Variants in PTPRO observed in about 807,000 individuals in gnomAD.
PTPRO encodes receptor-type tyrosine-protein phosphatase O.
PTPRO carries 62 observed loss-of-function variants against 145.2 expected under a neutral mutation model. The observed-to-expected ratio is 0.43, with a 90% CI of 0.35 to 0.53. The LOEUF (loss-of-function observed/expected upper bound fraction) is 0.53. Ranked by LOEUF, PTPRO falls within the 20% of genes least tolerant of loss-of-function variation. The probability of loss-of-function intolerance (pLI) is 0.01; values close to 1 mark genes in which losing one functional copy is unlikely to be tolerated. For synonymous variants in PTPRO, 565 were observed against 514.7 expected, an observed-to-expected ratio of 1.10 and a Z score of -1.32; for missense variants, 1,345 against 1,482.7, an observed-to-expected ratio of 0.91 and a Z score of 1.53.
At chr12:15,475,285 T>C (rs2136423727) in intron 1 of PTPRO, among the ~76,000 whole-genome samples, 1 of 152,346 alleles carries the variant, frequency 6.6e-6, no homozygotes, top group South Asian at 2.1e-4. Context: ...TAGTGAATCA[T>C]CTGCTATAAT....
chr12:15,554,822 T>C (rs910319661), intron 15 of PTPRO, among the ~76,000 whole-genome samples: 1 of 152,204 alleles, frequency 6.6e-6, no homozygotes, highest in African/African-American at 2.4e-5. Context: ...CCAATCAAGT[T>C]GACCCTCAGT....
At chr12:15,514,971 G>C (rs964463595) in intron 7 of PTPRO, among the ~76,000 whole-genome samples, 3 of 151,640 alleles carry the variant, frequency 2.0e-5, no homozygotes, top group African/African-American at 7.3e-5. Flanking sequence ...CACTATGTTC[G>C]TCAGGCTGGT....
intron 2 of PTPRO, among the ~76,000 whole-genome samples, chr12:15,485,207 C>G (rs1210855028): frequency 6.6e-6 from 1 of 152,054 alleles, no homozygotes; most frequent in Admixed American, 6.6e-5. Context: ...TAACACATCT[C>G]TCAAAAATTA....
chr12:15,404,422 A>G (rs998235243), intron 1 of PTPRO, among the ~76,000 whole-genome samples: 1 of 152,140 alleles, frequency 6.6e-6, no homozygotes, highest in Non-Finnish European at 1.5e-5. Flanking sequence ...TTGTCAGGCA[A>G]TTTCACATAC....
In PTPRO at chr12:15,370,915, A is replaced by G. The variant is rs1938508500; in HGVS notation, c.75+48114A>G. On this transcript the variant is annotated intron_variant, in intron 1 of 26. Coordinates refer to ENST00000281171, the MANE Select transcript of PTPRO (RefSeq NM_030667.3). The stretch of plus-strand genomic sequence containing the variant: ...TAAATTTCCAACAATCAGAGATTGT[A>G]AGTTATGGCATATTCATACTTTGCA... Among the ~76,000 whole-genome samples, 4 of 152,198 alleles carry G rather than the reference A, an allele frequency of 2.6e-5. No homozygotes were observed. The South Asian group carries it at 8.3e-4, about 31-fold the overall frequency.
intron 1 of PTPRO, among the ~76,000 whole-genome samples, chr12:15,472,940 A>C (rs998281479): frequency 2.0e-4 from 31 of 152,280 alleles, no homozygotes; most frequent in Admixed American, 1.3e-4. Flanking sequence ...CTAGTTATAA[A>C]ACTTCAGAGG....
rs724159882 is a variant in PTPRO, at chr12:15,581,769, G to T, written c.3223G>T (p.Asp1075Tyr). 2 of 1,613,964 alleles carry T rather than the reference G, an allele frequency of 1.2e-6. No individual in the cohort carries two copies. Among genetic ancestry groups the T allele is most frequent in the Non-Finnish European group, 1.7e-6 (2 of 1,179,924 alleles). ...GATGATTTCAGAGGAAGAGCAGGAC[G>T]ACTGGGCCTGTAGACACTTCCGGAT... is the stretch of plus-strand genomic sequence containing the variant. ...VEMISEEEQDDWACRHFRINY... is the reference protein window; with the variant it reads ...VEMISEEEQDYWACRHFRINY... The change falls in exon 23 of 27, where the codon GAC (aspartate) becomes TAC (tyrosine). Residue 1075 changes from aspartate to tyrosine, a missense_variant. Around this residue, in one of 3 missense-constraint regions of PTPRO, gnomAD observed 208 missense variants for 242.8 expected, o/e 0.86. Coordinates refer to ENST00000281171, the MANE Select transcript of PTPRO (RefSeq NM_030667.3).
intron 2 of PTPRO, among the ~76,000 whole-genome samples, chr12:15,492,003 A>G (rs1418152343): frequency 6.6e-6 from 1 of 152,224 alleles, no homozygotes; most frequent in Non-Finnish European, 1.5e-5. Flanking sequence ...CAGGAGACAC[A>G]TATTCATCTT....
chr12:15,481,628 C>T (rs1407685649), intron 1 of PTPRO, among the ~76,000 whole-genome samples: 1 of 152,148 alleles, frequency 6.6e-6, no homozygotes, highest in Non-Finnish European at 1.5e-5. Context: ...AAATAACATG[C>T]AGTTCCCGAC....
chr12:15,501,153 G>A (rs922525127), intron 4 of PTPRO, among the ~76,000 whole-genome samples: 1 of 152,164 alleles, frequency 6.6e-6, no homozygotes, highest in Non-Finnish European at 1.5e-5. Flanking sequence ...ATCTCTAAAG[G>A]CAACACATGT....
chr12:15,574,095 T>C (rs1488605141), intron 19 of PTPRO, among the ~76,000 whole-genome samples: 1 of 152,220 alleles, frequency 6.6e-6, no homozygotes, highest in African/African-American at 2.4e-5. Flanking sequence ...ACATCATTTA[T>C]AAGCATTTTG....
At chr12:15,510,768 A>G (rs1265974554) in intron 7 of PTPRO, among the ~76,000 whole-genome samples, 2 of 152,146 alleles carry the variant, frequency 1.3e-5, no homozygotes, top group Non-Finnish European at 2.9e-5. Context: ...CACTAAATAA[A>G]TGTGTAGAAA....
chr12:15,585,459 G>A (rs1944411596), intron 23 of PTPRO, among the ~76,000 whole-genome samples: 1 of 152,218 alleles, frequency 6.6e-6, no homozygotes, highest in Non-Finnish European at 1.5e-5. Context: ...GGCACTGCAT[G>A]CTGCTGGGGA....
At chr12:15,515,688 G>A (rs545420600) in intron 8 of PTPRO, 70 bp downstream of exon 8, 11 of 1,588,700 alleles carry the variant, frequency 6.9e-6, no homozygotes, top group African/African-American at 2.7e-5. Context: ...TGCAATGTGC[G>A]AGCTCAAATC....
At chr12:15,334,505 C>A (rs1030220210) in intron 1 of PTPRO, among the ~76,000 whole-genome samples, 1 of 152,136 alleles carries the variant, frequency 6.6e-6, no homozygotes, top group Non-Finnish European at 1.5e-5. Context: ...CTTAAGACAA[C>A]TGCTATTACT....
intron 1 of PTPRO, among the ~76,000 whole-genome samples, chr12:15,362,221 G>A (rs1362376860): frequency 6.6e-6 from 1 of 152,178 alleles, no homozygotes. Flanking sequence ...AAGTCATTCA[G>A]GACTCTGGAT....
chr12:15,510,536 A>G (rs939709315), intron 7 of PTPRO, among the ~76,000 whole-genome samples: 4 of 152,228 alleles, frequency 2.6e-5, no homozygotes, highest in African/African-American at 9.6e-5. Context: ...ATTGTAAATT[A>G]TCAATGAGCC....
intron 20 of PTPRO, 116 bp downstream of exon 20, chr12:15,579,059 G>A: frequency 1.2e-6 from 1 of 836,418 alleles, no homozygotes; most frequent in South Asian, 1.4e-5. Flanking sequence ...CGGATCTCAA[G>A]GCCACGTCTG....
chr12:15,431,856 T>A (rs1185209466), intron 1 of PTPRO, among the ~76,000 whole-genome samples: 1 of 152,224 alleles, frequency 6.6e-6, no homozygotes, highest in East Asian at 1.9e-4. Context: ...TAGATAAGCA[T>A]GTCTAGTCTC....
Sources: allele counts gnomAD v4.1 joint callset (sites outside exome capture counted in the v4.1 genomes callset), GRCh38; gene constraint gnomAD v4.1.1; regional missense constraint gnomAD v4.1.1; transcripts MANE v1.5; gene names NCBI Gene and HGNC (gene_info 2026-07-23, HGNC 2026-07-21).